GNPTAB: variants seen among roughly 807,000 people sequenced by gnomAD.
The protein encoded by GNPTAB is N-acetylglucosamine-1-phosphate transferase subunits alpha and beta.
Under a neutral mutation model 136.6 loss-of-function variants are expected in GNPTAB, and 92 were observed. The ratio of observed to expected loss-of-function variants is 0.67; its 90% CI spans 0.57 to 0.80. The LOEUF is 0.80. Among genes scored for constraint, GNPTAB ranks in the 30% least tolerant of loss-of-function variants. GNPTAB has a pLI of 0.00. For synonymous variants in GNPTAB, 512 were observed against 535.1 expected (o/e 0.96, Z 0.60); for missense variants, 1,343 against 1,501.8 (o/e 0.89, Z 1.75).
intron 6 of GNPTAB, 67 bp downstream of exon 6, chr12:101,780,488 AAC>A: frequency 8.1e-7 from 1 of 1,237,490 alleles, no homozygotes; most frequent in African/African-American, 1.5e-5. Context: ...CTCAAAGAAA[AAC>A]AGCTTTATTA....
rs751142805 is a variant in GNPTAB at position 101,770,505 on chromosome 12, C to A, written c.1014G>T (p.Arg338Ser). Residue 338 changes from arginine to serine, a missense_variant, in exon 9 of 21, where the codon AGG becomes AGT. Transcript: ENST00000299314. ...ELRYSLRSIE[R>S]HAPWVRNIFI... ...AAATATTCCGAACCCATGGTGCATG[C>A]CTCTCGATAGATCGCAATGAGTACC... is the stretch of plus-strand genomic sequence containing the variant. 1 of 1,613,050 alleles carries A rather than the reference C, an allele frequency of 6.2e-7. No homozygotes were observed. The highest frequency in any genetic ancestry group is 8.5e-7 in the Non-Finnish European group (1 of 1,178,994).
intron 7 of GNPTAB, 34 bp downstream of exon 7, chr12:101,780,118 G>T: frequency 1.3e-6 from 2 of 1,595,636 alleles, no homozygotes; most frequent in Non-Finnish European, 1.7e-6. Context: ...ATGAGAATGT[G>T]CCAGGCTAAT....
intron 7 of GNPTAB, chr12:101,773,035 GTC>G: frequency 6.0e-6 from 1 of 167,422 alleles, no homozygotes; most frequent in Admixed American, 6.4e-5. Context: ...GGCCAGGCTG[GTC>G]TCCTGACATA....
intron 18 of GNPTAB, among the ~76,000 whole-genome samples, chr12:101,755,380 A>C (rs1952886809): frequency 6.6e-6 from 1 of 152,202 alleles, no homozygotes; most frequent in Admixed American, 6.5e-5. Context: ...GACTGCTTTA[A>C]ATTAAAGGAT....
chr12:101,814,558 G>A (rs1870417014), intron 1 of GNPTAB, among the ~76,000 whole-genome samples: 2 of 151,874 alleles, frequency 1.3e-5, no homozygotes. Flanking sequence ...TTAGCCGGGT[G>A]TGGTGGCAGG....
At chr12:101,752,463 T>G (rs968607887) in intron 19 of GNPTAB, among the ~76,000 whole-genome samples, 7 of 152,132 alleles carry the variant, frequency 4.6e-5, no homozygotes, top group African/African-American at 1.7e-4. Context: ...ACCTAATCCT[T>G]TACTCATTAT....
chr12:101,822,215 C>G (rs886227665), intron 1 of GNPTAB, among the ~76,000 whole-genome samples: 1 of 152,232 alleles, frequency 6.6e-6, no homozygotes, highest in African/African-American at 2.4e-5. Flanking sequence ...AGATCAAGAC[C>G]ATCCTGGCTA....
chr12:101,756,555 C>G (rs1463007986), intron 18 of GNPTAB: 1 of 322,670 alleles, frequency 3.1e-6, no homozygotes. Flanking sequence ...GCTTGGACAA[C>G]AGAGTGAGAT....
At chr12:101,790,694 C>G (rs1407001026) in intron 2 of GNPTAB, among the ~76,000 whole-genome samples, 3 of 149,580 alleles carry the variant, frequency 2.0e-5, no homozygotes, top group Non-Finnish European at 4.4e-5. Flanking sequence ...GAGCTATGAT[C>G]GTACCACTGC....
At chr12:101,757,696 G>A in intron 16 of GNPTAB, 39 bp from the exon 17 acceptor site, 2 of 979,002 alleles carry the variant, frequency 2.0e-6, no homozygotes, top group Non-Finnish European at 3.3e-6. Flanking sequence ...TCACATCAGA[G>A]CTGAAACTAG....
At chr12:101,783,082 T>C (rs982328367) in intron 5 of GNPTAB, among the ~76,000 whole-genome samples, 1 of 139,760 alleles carries the variant, frequency 7.2e-6, no homozygotes, top group African/African-American at 2.7e-5. Flanking sequence ...CTATGTAATC[T>C]ACTTATTTAT....
chr12:101,749,874 C>T (rs1305043384), intron 19 of GNPTAB, among the ~76,000 whole-genome samples: 7 of 152,214 alleles, frequency 4.6e-5, no homozygotes, highest in Non-Finnish European at 1.0e-4. Flanking sequence ...TGAACTGCAG[C>T]TGCTTTGCAA....
At position 101,747,325 on chromosome 12, in the gene GNPTAB, T is replaced by A. The variant is rs117751503; in HGVS notation, c.3694-84A>T. 48,902 of 769,616 alleles carry A rather than the reference T, an allele frequency of 0.064. 2,053 individuals carry two copies. The highest frequency in any genetic ancestry group is 0.075 in the Non-Finnish European group (32,590 of 431,766). The allele number at this position is 769,616 out of a possible 1,614,324, so 47.7% of individuals were successfully genotyped here. On this transcript the variant is annotated intron_variant, in intron 20 of 20. Transcript: ENST00000299314. ...TGCATCAAACTTTCTAAGAGCCATA[T>A]GACCTTAATCATTTCCACAATCTTA... is the stretch of plus-strand genomic sequence containing the variant.
intron 1 of GNPTAB, among the ~76,000 whole-genome samples, chr12:101,815,728 T>C (rs1161228600): frequency 6.6e-6 from 1 of 151,730 alleles, no homozygotes; most frequent in Admixed American, 6.6e-5. Context: ...TGCTCCCAAA[T>C]AGGCAAAGCA....
In GNPTAB at chr12:101,747,135, GAGGT is replaced by G; in HGVS notation, c.*25_*28del. On this transcript the variant is annotated 3_prime_UTR_variant, in exon 21 of 21. Coordinates refer to ENST00000299314, the MANE Select transcript of GNPTAB (RefSeq NM_024312.5). ...AGTTTTAAAATGCTCAGTAAATGCTGAGGTAGATGGTTTTCAAATGAAGATCTTC... is the reference window on the plus strand; with the variant it reads ...AGTTTTAAAATGCTCAGTAAATGCTGAGATGGTTTTCAAATGAAGATCTTC... 8.2e-7 allele frequency: 1 copy of G among 1,223,722 alleles called. No individual in the cohort carries two copies. Among genetic ancestry groups the G allele is most frequent in the Non-Finnish European group, 1.2e-6 (1 of 823,520 alleles). The allele number at this position is 1,223,722 out of a possible 1,614,324, so 75.8% of individuals were successfully genotyped here.
rs1490611194 is a variant in GNPTAB, at chr12:101,792,353, C to G, written c.204-2296G>C. Among the ~76,000 whole-genome samples, 5 of 152,290 alleles carry G rather than the reference C, an allele frequency of 3.3e-5. No individual in the cohort carries two copies. In the South Asian group the frequency reaches 8.3e-4, roughly 25 times the overall value. On this transcript the variant is annotated intron_variant, in intron 2 of 20. Transcript: ENST00000299314. ...GTTGAGATGAAGGTCAAAGAGATAA[C>G]AGAGTTCCAGAGCTTCATCTGGAAA...
intron 1 of GNPTAB, among the ~76,000 whole-genome samples, chr12:101,824,785 TTAA>T (rs1871005226): frequency 6.6e-6 from 1 of 151,990 alleles, no homozygotes; most frequent in Non-Finnish European, 1.5e-5. Context: ...AACAAACTGG[TTAA>T]TAATAAACTA....
At chr12:101,763,018 C>T (rs535280817) in intron 13 of GNPTAB, among the ~76,000 whole-genome samples, 99 of 151,260 alleles carry the variant, frequency 6.5e-4, no homozygotes, top group Non-Finnish European at 1.3e-3. Flanking sequence ...GTCAGGAGTT[C>T]GAGACCAGCC....
chr12:101,751,084 C>G (rs779878400), intron 19 of GNPTAB, among the ~76,000 whole-genome samples: 1 of 151,894 alleles, frequency 6.6e-6, no homozygotes, highest in African/African-American at 2.4e-5. Flanking sequence ...TGACAAACAT[C>G]TAAAAAAAAA....
Sources: gnomAD v4.1 joint callset for allele counts (sites outside exome capture counted in the v4.1 genomes callset) on GRCh38, gnomAD v4.1.1 for gene constraint, MANE v1.5 for transcripts, NCBI Gene and HGNC (gene_info 2026-07-23, HGNC 2026-07-21) for gene names.